The following PTK2 variants were observed in gnomAD, a reference collection of about 807,000 sequenced individuals.
PTK2 encodes the protein focal adhesion kinase 1.
Under a neutral mutation model 150.1 loss-of-function variants are expected in PTK2, and 45 were observed. The ratio of observed to expected loss-of-function variants is 0.30; its 90% CI spans 0.24 to 0.38. The LOEUF (loss-of-function observed/expected upper bound fraction) is 0.38, where lower values mean the gene tolerates loss of function less well. PTK2 is among the 10% of genes least tolerant of loss of function. PTK2 has a pLI of 1.00. For missense variants in PTK2, 919 were observed against 1,307.3 expected, an observed-to-expected ratio of 0.70 and a Z score of 4.58; for synonymous variants, 432 against 449.2, an observed-to-expected ratio of 0.96 and a Z score of 0.48.
At chr8:140,799,079 A>G (rs2100093430) in intron 12 of PTK2, 1 of 152,212 alleles carries the variant, frequency 6.6e-6, no homozygotes, top group South Asian at 2.1e-4. Flanking sequence ...CTGGAATCAC[A>G]CAGATTTATG....
At chr8:140,744,553 C>T in intron 19 of PTK2, 99 bp downstream of exon 22, 1 of 610,344 alleles carries the variant, frequency 1.6e-6, no homozygotes, top group Non-Finnish European at 2.8e-6. Context: ...CAAAGGGGAC[C>T]CTGGATCCAA....
chr8:140,677,610 C>T (rs1333871300), intron 27 of PTK2, among the ~76,000 whole-genome samples: 2 of 152,198 alleles, frequency 1.3e-5, no homozygotes, highest in Non-Finnish European at 2.9e-5. Flanking sequence ...AGATCCACTT[C>T]TTTACAATAC....
chr8:140,746,951 T>C (rs2100059247), intron 17 of PTK2, 91 bp from the exon 21 acceptor site: 2 of 841,330 alleles, frequency 2.4e-6, no homozygotes, highest in Admixed American at 2.5e-5. Flanking sequence ...AGTGCAGTGG[T>C]ACAATCTCGA....
intron 5 of PTK2, among the ~76,000 whole-genome samples, chr8:140,853,193 CTTT>C (rs111550228): frequency 8.8e-6 from 1 of 113,614 alleles, no homozygotes; most frequent in Non-Finnish European, 2.2e-5. Context: ...ATGTCACACT[CTTT>C]TTTTTTTTTA....
chr8:140,995,732 T>C lies in PTK2; in HGVS notation c.-122+5393A>G, dbSNP rs879719135. On this transcript the variant is annotated intron_variant, in intron 1 of 31. Coordinates refer to ENST00000522684, the Ensembl canonical transcript of PTK2. Reference sequence around the variant, plus strand: ...GCAGAAGGTTTCAGTGAGCCAACATTGCATCACTGCACTCCAGCCTGGGGC... The same window carrying C: ...GCAGAAGGTTTCAGTGAGCCAACATCGCATCACTGCACTCCAGCCTGGGGC... Among the ~76,000 whole-genome samples the C allele has an allele frequency of 6.0e-4, 91 of 151,572 alleles. 1 individual carries two copies. The highest frequency in any genetic ancestry group is 3.7e-3 in the Admixed American group (56 of 15,226).
intron 8 of PTK2, among the ~76,000 whole-genome samples, chr8:140,827,100 A>G (rs1597444769): frequency 6.6e-6 from 1 of 152,056 alleles, no homozygotes; most frequent in East Asian, 1.9e-4. Context: ...TTTATATTCT[A>G]GAATCCAAAA....
At chr8:140,665,512 T>A (rs1332064691) in intron 30 of PTK2, among the ~76,000 whole-genome samples, 1 of 152,134 alleles carries the variant, frequency 6.6e-6, no homozygotes, top group Non-Finnish European at 1.5e-5. Context: ...TCAGGCTTCA[T>A]CTATTAGGCA....
intron 1 of PTK2, among the ~76,000 whole-genome samples, chr8:140,929,276 A>C (rs2100170866): frequency 6.6e-6 from 1 of 152,094 alleles, no homozygotes; most frequent in Non-Finnish European, 1.5e-5. Context: ...CAATTTTTTA[A>C]CTTAAAAAAT....
At chr8:140,819,804 T>C (rs1012180865) in intron 8 of PTK2, among the ~76,000 whole-genome samples, 11 of 152,158 alleles carry the variant, frequency 7.2e-5, no homozygotes, top group African/African-American at 2.7e-4. Flanking sequence ...AGTAAGATGA[T>C]AGGTGGTCTT....
chr8:140,967,510 G>T (rs2100185733), intron 1 of PTK2, among the ~76,000 whole-genome samples: 1 of 148,902 alleles, frequency 6.7e-6, no homozygotes, highest in South Asian at 2.1e-4. Flanking sequence ...ATGCAGGCTG[G>T]AGTGCAGCGG....
At chr8:140,804,093 C>A (rs544378860) in intron 10 of PTK2, among the ~76,000 whole-genome samples, 1 of 152,286 alleles carries the variant, frequency 6.6e-6, no homozygotes, top group Non-Finnish European at 1.5e-5. Flanking sequence ...AGAGTAAGTT[C>A]TGAAACTAAC....
At chr8:140,903,403 T>C (rs1353511640) in intron 2 of PTK2, among the ~76,000 whole-genome samples, 2 of 152,176 alleles carry the variant, frequency 1.3e-5, no homozygotes, top group African/African-American at 2.4e-5. Context: ...TGGGATACTG[T>C]AGCCTTGTAG....
chr8:140,698,635 A>T (rs916124512), intron 26 of PTK2, among the ~76,000 whole-genome samples: 5 of 151,778 alleles, frequency 3.3e-5, no homozygotes, highest in African/African-American at 9.7e-5. Context: ...TGTTTTTTTG[A>T]GACGGAGTTT....
rs143121633 is a variant in PTK2, at chr8:140,794,839, A to G, written c.1094-1455T>C. 4.4e-3 allele frequency among the ~76,000 whole-genome samples: 670 copies of G among 152,260 alleles called. 3 individuals carry two copies. Among genetic ancestry groups the G allele is most frequent in the Middle Eastern group, 0.014 (4 of 294 alleles). On this transcript the variant is annotated intron_variant, in intron 12 of 31. Coordinates refer to ENST00000522684, the Ensembl canonical transcript of PTK2. Reference sequence around the variant, plus strand: ...ACCCACACTTTGCAGCTCCAAATGCATACCTCTAGCTTGGACCTCTCCCCT... The same window carrying G: ...ACCCACACTTTGCAGCTCCAAATGCGTACCTCTAGCTTGGACCTCTCCCCT...
At chr8:140,815,247 T>G (rs113322838) in intron 10 of PTK2, among the ~76,000 whole-genome samples, 3 of 150,122 alleles carry the variant, frequency 2.0e-5, no homozygotes, top group African/African-American at 7.3e-5. Context: ...AATGAGATCA[T>G]GTTCTTTGCA....
rs775128110 is a variant in PTK2, at chr8:140,864,355, T to A, written c.407A>T (p.Gln136Leu). The A allele has an allele frequency of 4.4e-6, 7 of 1,601,574 alleles. No individual in the cohort carries two copies. The East Asian group carries it at 1.6e-4, about 36-fold the overall frequency. Residue 136 changes from glutamine (Q) to leucine (L), a missense_variant, in exon 5 of 32, where the codon CAG (glutamine) becomes CTG (leucine). Physicochemically the swap from Gln to Leu is moderately radical, Grantham distance 113. Coordinates refer to ENST00000522684, the Ensembl canonical transcript of PTK2. ...CAAAGTTGGCTTATCTTCAGTAAAC[T>A]GGTTTAGAAATCCTTTTGGCAAATA...
chr8:140,904,510 A>G (rs1325203957), intron 2 of PTK2, among the ~76,000 whole-genome samples: 1 of 152,164 alleles, frequency 6.6e-6, no homozygotes, highest in African/African-American at 2.4e-5. Context: ...TGCTGACCTC[A>G]TAAAATGAGT....
At chr8:140,947,515 A>G (rs573641097) in intron 1 of PTK2, among the ~76,000 whole-genome samples, 1 of 152,310 alleles carries the variant, frequency 6.6e-6, no homozygotes, top group African/African-American at 2.4e-5. Flanking sequence ...CTCACCCTAC[A>G]GATCAACATG....
At chr8:140,981,751 GCAGA>G (rs1322413750) in intron 1 of PTK2, among the ~76,000 whole-genome samples, 1 of 152,184 alleles carries the variant, frequency 6.6e-6, no homozygotes, top group Non-Finnish European at 1.5e-5. Flanking sequence ...GCACTGTACA[GCAGA>G]GCTGAGTACT....
Sources: gnomAD v4.1 joint callset for allele counts (sites outside exome capture counted in the v4.1 genomes callset) on GRCh38, gnomAD v4.1.1 for gene constraint, MANE v1.5 for transcripts, NCBI Gene and HGNC (gene_info 2026-07-23, HGNC 2026-07-21) for gene names.